The following TENM4 variants were observed in gnomAD, a reference collection of about 807,000 sequenced individuals.
The protein encoded by TENM4 is teneurin-4.
A neutral mutation model predicts 243.3 loss-of-function variants in TENM4; 82 were observed. The ratio of observed to expected loss-of-function variants is 0.34; its 90% confidence interval spans 0.28 to 0.40. TENM4 has a LOEUF of 0.40. TENM4 is among the 10% of genes least tolerant of loss of function. The pLI, the probability that TENM4 is intolerant of heterozygous loss-of-function variation, is 1.00. For synonymous variants in TENM4, 1,412 were observed against 1,456.3 expected, an observed-to-expected ratio of 0.97 and a Z score of 0.69; for missense variants, 3,138 against 3,673.3, an observed-to-expected ratio of 0.85 and a Z score of 3.77.
chr11:78,889,535 C>A (rs1193431846), intron 9 of TENM4, among the ~76,000 whole-genome samples: 1 of 152,154 alleles, frequency 6.6e-6, no homozygotes, highest in Non-Finnish European at 1.5e-5. Flanking sequence ...ACCCAACACA[C>A]AAAAGGACAG....
intron 1 of TENM4, among the ~76,000 whole-genome samples, chr11:79,419,427 C>T (rs1352037613): frequency 2.0e-5 from 3 of 152,152 alleles, no homozygotes; most frequent in Non-Finnish European, 4.4e-5. Context: ...ACCCACGGCA[C>T]GGGGATGGAT....
chr11:78,664,778 A>C (rs1344194639), intron 32 of TENM4, among the ~76,000 whole-genome samples: 1 of 152,168 alleles, frequency 6.6e-6, no homozygotes, highest in African/African-American at 2.4e-5. Context: ...CTATAAAGCC[A>C]TTTTGCCTGA....
At chr11:79,133,358 A>T (rs1862048047) in intron 4 of TENM4, among the ~76,000 whole-genome samples, 1 of 152,186 alleles carries the variant, frequency 6.6e-6, no homozygotes, top group Non-Finnish European at 1.5e-5. Context: ...AATGATAATT[A>T]AAAAATTACC....
chr11:79,044,620 G>A (rs1290793490), intron 6 of TENM4, among the ~76,000 whole-genome samples: 1 of 152,226 alleles, frequency 6.6e-6, no homozygotes, highest in Non-Finnish European at 1.5e-5. Context: ...CGTACTAAAC[G>A]CAGGGTGGGT....
At chr11:79,104,519 C>A (rs376878892) in intron 4 of TENM4, among the ~76,000 whole-genome samples, 80 of 152,324 alleles carry the variant, frequency 5.3e-4, no homozygotes, top group Middle Eastern at 3.4e-3. Context: ...GTATCTTTCA[C>A]ATCCATATCA....
At chr11:79,205,514 C>A (rs1249757572) in intron 3 of TENM4, among the ~76,000 whole-genome samples, 1 of 152,220 alleles carries the variant, frequency 6.6e-6, no homozygotes, top group East Asian at 1.9e-4. Flanking sequence ...CCATCAGCCA[C>A]TCACCTCATT....
intron 6 of TENM4, among the ~76,000 whole-genome samples, chr11:79,051,632 C>T (rs1859795175): frequency 6.6e-6 from 1 of 152,170 alleles, no homozygotes; most frequent in South Asian, 2.1e-4. Context: ...TGAATTTCAT[C>T]AGCTCTAAAA....
intron 6 of TENM4, among the ~76,000 whole-genome samples, chr11:78,950,386 G>GT (rs1857086933): frequency 6.6e-6 from 1 of 152,176 alleles, no homozygotes; most frequent in African/African-American, 2.4e-5. Context: ...ATAGTGCAGG[G>GT]CGGGGGGAGA....
At chr11:79,428,347 G>T (rs970303942) in intron 1 of TENM4, among the ~76,000 whole-genome samples, 1 of 152,220 alleles carries the variant, frequency 6.6e-6, no homozygotes, top group African/African-American at 2.4e-5. Flanking sequence ...TTGTCTAAGA[G>T]ATGTAAAATC....
chr11:78,691,693 T>C (rs1395363864), intron 28 of TENM4, among the ~76,000 whole-genome samples: 1 of 152,224 alleles, frequency 6.6e-6, no homozygotes, highest in Non-Finnish European at 1.5e-5. Flanking sequence ...AAAGGCCCCA[T>C]ACCTTCAAGA....
intron 6 of TENM4, among the ~76,000 whole-genome samples, chr11:79,051,270 C>T (rs879785660): frequency 6.6e-6 from 1 of 152,124 alleles, no homozygotes; most frequent in Non-Finnish European, 1.5e-5. Context: ...AGAATTATCC[C>T]CATTTTACGG....
At chr11:79,043,820 C>T (rs1205972560) in intron 6 of TENM4, among the ~76,000 whole-genome samples, 1 of 152,182 alleles carries the variant, frequency 6.6e-6, no homozygotes, top group African/African-American at 2.4e-5. Flanking sequence ...CCCCACAGTG[C>T]TATTCTTATC....
intron 17 of TENM4, among the ~76,000 whole-genome samples, chr11:78,773,887 C>G (rs886305953): frequency 1.3e-5 from 2 of 152,154 alleles, no homozygotes; most frequent in African/African-American, 4.8e-5. Context: ...AAATAAGTAA[C>G]TTTTTGTTAA....
At chr11:79,388,947 C>T (rs761953039) in intron 1 of TENM4, among the ~76,000 whole-genome samples, 80 of 152,112 alleles carry the variant, frequency 5.3e-4, no homozygotes, top group Non-Finnish European at 1.1e-3. Flanking sequence ...TAAGAAAGTA[C>T]CACTTGGTGT....
At chr11:78,984,956 C>A (rs1048912678) in intron 6 of TENM4, among the ~76,000 whole-genome samples, 3 of 152,174 alleles carry the variant, frequency 2.0e-5, no homozygotes, top group African/African-American at 7.2e-5. Flanking sequence ...GTGAGTTCTA[C>A]TGGAGAGTGC....
intron 15 of TENM4, among the ~76,000 whole-genome samples, chr11:78,790,748 C>T (rs1857039207): frequency 6.6e-6 from 1 of 152,172 alleles, no homozygotes; most frequent in Non-Finnish European, 1.5e-5. Flanking sequence ...GGTGGGCTTC[C>T]CTTTGAGAGA....
At chr11:78,761,726 G>A (rs1472123284) in intron 18 of TENM4, among the ~76,000 whole-genome samples, 1 of 152,044 alleles carries the variant, frequency 6.6e-6, no homozygotes, top group East Asian at 1.9e-4. Flanking sequence ...AGCCATGGCA[G>A]AGAAATGCCT....
intron 3 of TENM4, among the ~76,000 whole-genome samples, chr11:79,198,541 A>C (rs1863680109): frequency 1.3e-5 from 2 of 152,204 alleles, no homozygotes; most frequent in Non-Finnish European, 2.9e-5. Flanking sequence ...GAGAGAGAAG[A>C]AGTTATGTGA....
intron 23 of TENM4, among the ~76,000 whole-genome samples, 187 bp from the exon 24 acceptor site, chr11:78,723,104 A>T (rs998595523): frequency 1.3e-5 from 2 of 152,210 alleles, no homozygotes; most frequent in Non-Finnish European, 2.9e-5. Flanking sequence ...AGTCATACAG[A>T]TTTAATTCAC....
Sources: allele counts gnomAD v4.1 joint callset (sites outside exome capture counted in the v4.1 genomes callset), GRCh38; gene constraint gnomAD v4.1.1; transcripts MANE v1.5; gene names NCBI Gene and HGNC (gene_info 2026-07-23, HGNC 2026-07-21).